LRRTM4: variants seen among roughly 807,000 people sequenced by gnomAD.
The protein encoded by LRRTM4 is leucine rich repeat transmembrane neuronal 4.
Under a neutral mutation model 47.6 loss-of-function variants are expected in LRRTM4, and 25 were observed. That is an observed-to-expected ratio of 0.53 (90% CI 0.38 to 0.73). The LOEUF is 0.73. Among genes scored for constraint, LRRTM4 ranks in the 30% least tolerant of loss-of-function variants. LRRTM4 has a pLI of 0.00. For synonymous variants in LRRTM4, 311 were observed against 269.5 expected, an observed-to-expected ratio of 1.15 and a Z score of -1.51; for missense variants, 638 against 713.4, an observed-to-expected ratio of 0.89 and a Z score of 1.20.
chr2:77,144,419 G>T (rs1256159079), intron 3 of LRRTM4, among the ~76,000 whole-genome samples: 2 of 150,318 alleles, frequency 1.3e-5, no homozygotes, highest in South Asian at 2.1e-4. Flanking sequence ...GCTGCATGGG[G>T]TCAAAAAAAA....
intron 3 of LRRTM4, among the ~76,000 whole-genome samples, chr2:76,984,265 T>A (rs1676717394): frequency 6.6e-6 from 1 of 152,018 alleles, no homozygotes; most frequent in Non-Finnish European, 1.5e-5. Flanking sequence ...TTATATAAAA[T>A]ATATTTTATA....
chr2:76,942,164 T>A (rs902056143), intron 3 of LRRTM4, among the ~76,000 whole-genome samples: 3 of 152,184 alleles, frequency 2.0e-5, no homozygotes, highest in African/African-American at 7.2e-5. Flanking sequence ...GGTGTTTTTT[T>A]TTCTTGTAAA....
At chr2:77,047,807 T>A (rs927030160) in intron 3 of LRRTM4, among the ~76,000 whole-genome samples, 1 of 152,038 alleles carries the variant, frequency 6.6e-6, no homozygotes, top group Non-Finnish European at 1.5e-5. Flanking sequence ...TAACATACAA[T>A]AAACCAATCG....
intron 3 of LRRTM4, among the ~76,000 whole-genome samples, chr2:77,258,570 G>A (rs1675831576): frequency 6.6e-6 from 1 of 151,582 alleles, no homozygotes; most frequent in Admixed American, 6.6e-5. Context: ...CTGTGAATCT[G>A]TAATTATTTC....
At chr2:77,175,785 C>G (rs757468900) in intron 3 of LRRTM4, among the ~76,000 whole-genome samples, 13 of 150,268 alleles carry the variant, frequency 8.7e-5, no homozygotes, top group African/African-American at 2.8e-4. Context: ...CACCCCCACA[C>G]CCGATGTTGG....
chr2:76,898,828 CTG>C (rs1184296887), intron 3 of LRRTM4, among the ~76,000 whole-genome samples: 4 of 150,914 alleles, frequency 2.7e-5, no homozygotes, highest in Admixed American at 2.0e-4. Context: ...TATATACTGA[CTG>C]TATAAAATAT....
At chr2:77,311,377 T>G (rs1166050445) in intron 3 of LRRTM4, among the ~76,000 whole-genome samples, 1 of 152,166 alleles carries the variant, frequency 6.6e-6, no homozygotes, top group East Asian at 1.9e-4. Flanking sequence ...ATCTAAGGGA[T>G]GAATGTTGAT....
chr2:76,809,971 A>T (rs1670684794), intron 3 of LRRTM4, among the ~76,000 whole-genome samples: 1 of 152,196 alleles, frequency 6.6e-6, no homozygotes, highest in Non-Finnish European at 1.5e-5. Flanking sequence ...CTATAAAAAA[A>T]ATTCATCAGC....
intron 3 of LRRTM4, among the ~76,000 whole-genome samples, chr2:76,805,113 C>G (rs1305209452): frequency 1.3e-5 from 2 of 152,154 alleles, no homozygotes; most frequent in African/African-American, 2.4e-5. Context: ...AGATTGAAGC[C>G]TCATGGAGAC....
chr2:77,242,734 G>T (rs1336914624), intron 3 of LRRTM4, among the ~76,000 whole-genome samples: 2 of 152,166 alleles, frequency 1.3e-5, no homozygotes, highest in African/African-American at 4.8e-5. Context: ...TAATTTTAAT[G>T]AGGATGTGTG....
intron 3 of LRRTM4, among the ~76,000 whole-genome samples, chr2:77,090,267 C>T (rs1216619350): frequency 6.6e-6 from 1 of 152,116 alleles, no homozygotes; most frequent in Non-Finnish European, 1.5e-5. Flanking sequence ...TTTTCTTTAT[C>T]CCAAATCAGA....
chr2:76,845,693 CTTT>C (rs1671817906), intron 3 of LRRTM4, among the ~76,000 whole-genome samples: 1 of 152,088 alleles, frequency 6.6e-6, no homozygotes, highest in African/African-American at 2.4e-5. Context: ...ATTTTTCAGT[CTTT>C]TTTAACTCAA....
At chr2:77,299,845 TG>T (rs1677080420) in intron 3 of LRRTM4, among the ~76,000 whole-genome samples, 4 of 142,780 alleles carry the variant, frequency 2.8e-5, no homozygotes, top group Non-Finnish European at 5.9e-5. Context: ...TGTAAGGTAA[TG>T]ATTTTTTTTT....
At chr2:76,993,864 C>T (rs1263810981) in intron 3 of LRRTM4, among the ~76,000 whole-genome samples, 1 of 151,858 alleles carries the variant, frequency 6.6e-6, no homozygotes, top group African/African-American at 2.4e-5. Context: ...TAGGTGTCCA[C>T]CATTCATGGA....
At chr2:77,167,931 C>A (rs1366040619) in intron 3 of LRRTM4, among the ~76,000 whole-genome samples, 1 of 151,908 alleles carries the variant, frequency 6.6e-6, no homozygotes, top group Non-Finnish European at 1.5e-5. Context: ...GCACATGTAC[C>A]CTAGAACTTA....
chr2:76,906,124 C>T (rs1358222871), intron 3 of LRRTM4, among the ~76,000 whole-genome samples: 3 of 152,150 alleles, frequency 2.0e-5, no homozygotes, highest in Admixed American at 2.0e-4. Flanking sequence ...CAAAGGGAAG[C>T]CCATCAGACT....
At position 77,049,005 on chromosome 2, in the gene LRRTM4, G is replaced by A. The variant is rs79599558; in HGVS notation, c.1552-300089C>T. 1.2e-3 allele frequency among the ~76,000 whole-genome samples: 182 copies of A among 150,760 alleles called. 2 individuals are homozygous for A. In the East Asian group the frequency reaches 0.017, roughly 14 times the overall value. ...AGCTTTTTAGTTTCCACATACTAGT[G>A]AGAAAATACAATATTCATCTTTCTG... On this transcript the variant is annotated intron_variant, in intron 3 of 3. Transcript: ENST00000409884.
intron 3 of LRRTM4, among the ~76,000 whole-genome samples, chr2:77,406,913 T>C (rs1674213839): frequency 6.6e-6 from 1 of 152,108 alleles, no homozygotes. Flanking sequence ...GGGAAATAAC[T>C]GGGGAAATAT....
At chr2:77,371,073 CT>C (rs1381271609) in intron 3 of LRRTM4, among the ~76,000 whole-genome samples, 7 of 151,748 alleles carry the variant, frequency 4.6e-5, no homozygotes, top group Admixed American at 1.3e-4. Flanking sequence ...AGGTGAGTCC[CT>C]CTATAAGGGA....
Sources: gnomAD v4.1 joint callset for allele counts (sites outside exome capture counted in the v4.1 genomes callset) on GRCh38, gnomAD v4.1.1 for gene constraint, MANE v1.5 for transcripts, NCBI Gene and HGNC (gene_info 2026-07-23, HGNC 2026-07-21) for gene names.